FAT1: variants seen among roughly 807,000 people sequenced by gnomAD.
FAT1 encodes the protein FAT atypical cadherin 1.
Under a neutral mutation model 329.8 loss-of-function variants are expected in FAT1, and 171 were observed. The ratio of observed to expected loss-of-function variants is 0.52; its 90% CI spans 0.46 to 0.59. The LOEUF is 0.59. Among genes scored for constraint, FAT1 ranks in the 20% least tolerant of loss-of-function variants. The pLI is 0.00. For synonymous variants in FAT1, 2,233 were observed against 2,228.6 expected, an observed-to-expected ratio of 1.00 and a Z score of -0.06; for missense variants, 5,672 against 5,774.4, an observed-to-expected ratio of 0.98 and a Z score of 0.57.
chr4:186,633,266 A>G (rs1224837672), intron 7 of FAT1, among the ~76,000 whole-genome samples: 1 of 152,224 alleles, frequency 6.6e-6, no homozygotes, highest in African/African-American at 2.4e-5. Context: ...CAATTTTATT[A>G]GTTATTTTAT....
rs372589621 is a variant in FAT1, at chr4:186,628,544, A to G, written c.4543T>C (p.Tyr1515His). 7.4e-6 allele frequency: 12 copies of G among 1,613,886 alleles called. No individual in the cohort carries two copies. In the African/African-American group the frequency reaches 1.3e-4, roughly 18 times the overall value. Residue 1515 changes from tyrosine to histidine, a missense_variant, in exon 8 of 27, where the codon TAT (tyrosine) becomes CAT (histidine). Physicochemically the swap from Tyr to His is moderately conservative, Grantham distance 83. Transcript: ENST00000441802. ...FRLDPATGSL[Y>H]TSEKLDHEAV... ...TCATGATCCAGTTTCTCAGAAGTAT[A>G]GAGAGAGCCGGTTGCAGGATCAAGA... is the stretch of plus-strand genomic sequence containing the variant.
intron 7 of FAT1, 92 bp from the exon 8 acceptor site, chr4:186,628,855 A>G: frequency 7.9e-7 from 1 of 1,261,612 alleles, no homozygotes; most frequent in Non-Finnish European, 1.1e-6. Flanking sequence ...TGTATATTGA[A>G]ACGATACTGT....
At chr4:186,681,405 C>T (rs574785190) in intron 2 of FAT1, among the ~76,000 whole-genome samples, 1 of 152,252 alleles carries the variant, frequency 6.6e-6, no homozygotes, top group African/African-American at 2.4e-5. Context: ...AGAGGTATGA[C>T]ACCTTAATCC....
chr4:186,615,312 A>G (rs1342892178), intron 11 of FAT1, among the ~76,000 whole-genome samples: 6 of 152,140 alleles, frequency 3.9e-5, no homozygotes, highest in Admixed American at 2.6e-4. Context: ...CCTTCCCCTC[A>G]TGACTGAATA....
intron 9 of FAT1, among the ~76,000 whole-genome samples, chr4:186,627,011 AAT>A (rs1740340420): frequency 4.5e-5 from 1 of 22,094 alleles, no homozygotes; most frequent in African/African-American, 4.6e-4. Flanking sequence ...CAGCCCACAG[AAT>A]GAATGAATGA....
intron 1 of FAT1, among the ~76,000 whole-genome samples, chr4:186,715,118 T>C (rs1745149579): frequency 6.6e-6 from 1 of 150,990 alleles, no homozygotes; most frequent in Admixed American, 6.6e-5. Context: ...GCCACGCTGC[T>C]TCCCCCTCCA....
intron 2 of FAT1, among the ~76,000 whole-genome samples, chr4:186,668,481 C>T (rs1490161739): frequency 1.3e-5 from 2 of 152,216 alleles, no homozygotes; most frequent in African/African-American, 4.8e-5. Flanking sequence ...TTGTCCAACT[C>T]CAAGAAGCTA....
chr4:186,624,259 T>A (rs1740187599), intron 9 of FAT1, among the ~76,000 whole-genome samples: 3 of 99,476 alleles, frequency 3.0e-5, no homozygotes, highest in Non-Finnish European at 1.9e-5. Context: ...AGGGCAATTA[T>A]CTAGACAAAC....
At chr4:186,694,979 A>G (rs1743958672) in intron 2 of FAT1, among the ~76,000 whole-genome samples, 2 of 152,166 alleles carry the variant, frequency 1.3e-5, no homozygotes, top group African/African-American at 4.8e-5. Flanking sequence ...AAACAAAACA[A>G]AACAAAAATA....
rs374806294 is a variant in FAT1, at chr4:186,708,760, A to C, written c.1068T>G (p.Thr356=). 61 of 1,613,890 alleles carry C rather than the reference A, an allele frequency of 3.8e-5. No individual in the cohort carries two copies. Among genetic ancestry groups the C allele is most frequent in the Non-Finnish European group, 5.0e-5 (59 of 1,179,896 alleles). ...CTGGCCCGGCTTTGAACTGTGGAGAAGTCACGTGAATGACTTTAACAGAAG... is the reference window on the plus strand; with the variant it reads ...CTGGCCCGGCTTTGAACTGTGGAGACGTCACGTGAATGACTTTAACAGAAG... ...QFSSVKVIHV[T]SPQFKAGPVK... The change falls in exon 2 of 27, where the codon ACT becomes ACG. Residue 356 remains threonine (T), a synonymous_variant. Transcript: ENST00000441802.
intron 2 of FAT1, among the ~76,000 whole-genome samples, chr4:186,702,380 C>T (rs564747394): frequency 1.3e-5 from 2 of 152,252 alleles, no homozygotes; most frequent in South Asian, 2.1e-4. Context: ...ATGAAAAACA[C>T]GGGCTCCCCA....
rs2126410108 is a variant in FAT1 at position 186,599,977 on chromosome 4, G to T, written c.12024C>A (p.Gly4008=). The T allele has an allele frequency of 6.2e-7, 1 of 1,614,006 alleles. No individual in the cohort carries two copies. The highest frequency in any genetic ancestry group is 8.5e-7 in the Non-Finnish European group (1 of 1,179,898). ...HIEESVDVSP[G]CFLTATEDCA... ...AGTCTTCCGTGGCCGTCAGGAAGCAGCCTGGAGATACATCCACCGACTCTT... is the reference window on the plus strand; with the variant it reads ...AGTCTTCCGTGGCCGTCAGGAAGCATCCTGGAGATACATCCACCGACTCTT... The change falls in exon 22 of 27, where the codon GGC becomes GGA. Residue 4008 remains glycine (G), a synonymous_variant. Transcript: ENST00000441802.
chr4:186,603,032 C>T lies in FAT1; in HGVS notation c.11353G>A (p.Gly3785Arg). ...HRAAVCLCKE[G>R]RCPPVHHGCE... Reference sequence around the variant, plus strand: ...CCATGGTGGACAGGTGGGCACCTTCCCTCTTCATTCAAAGAGGGGAGAAAG... The same window carrying T: ...CCATGGTGGACAGGTGGGCACCTTCTCTCTTCATTCAAAGAGGGGAGAAAG... The change falls in exon 20 of 27, where the codon GGA becomes AGA. Residue 3785 changes from glycine to arginine, a missense_variant and splice_region_variant. Physicochemically the swap from Gly to Arg is moderately radical, Grantham distance 125. This residue lies in a region of FAT1 where 1,706 missense variants were observed against 1,859.1 expected (regional missense o/e 0.92). Coordinates refer to ENST00000441802, the MANE Select transcript of FAT1 (RefSeq NM_005245.4). The T allele has an allele frequency of 6.2e-7, 1 of 1,613,866 alleles. No individual in the cohort carries two copies.
At chr4:186,657,899 C>T (rs1339673557) in intron 3 of FAT1, among the ~76,000 whole-genome samples, 3 of 152,156 alleles carry the variant, frequency 2.0e-5, no homozygotes, top group Admixed American at 6.5e-5. Context: ...CGAGGTTGTT[C>T]GTGAATAATG....
chr4:186,616,667 C>T (rs937647904), intron 11 of FAT1, among the ~76,000 whole-genome samples: 7 of 152,192 alleles, frequency 4.6e-5, no homozygotes, highest in African/African-American at 9.6e-5. Context: ...CACGGCACGT[C>T]GGCACTTTGT....
At chr4:186,590,735 A>T in intron 26 of FAT1, 1 of 451,678 alleles carries the variant, frequency 2.2e-6, no homozygotes, top group Non-Finnish European at 4.4e-6. Flanking sequence ...TGAAAACAAA[A>T]CAAACAGGCT....
Position 186,708,633 on chromosome 4 carries a change from T to G in FAT1, c.1195A>C (p.Arg399=), listed in dbSNP as rs376638575. ...CCAGGTGTACTTTTAAAAACATACC[T>G]CAAATGGGAATAAGCAGGAATGGCC... ...VKAIPAYSHL[R]YVFKSTPGKA... is the part of the protein sequence containing the mutation. Residue 399 remains arginine (R), a synonymous_variant, in exon 2 of 27, where the codon AGG becomes CGG. Coordinates refer to ENST00000441802, the MANE Select transcript of FAT1 (RefSeq NM_005245.4). 50 of 1,613,894 alleles carry G rather than the reference T, an allele frequency of 3.1e-5. No homozygotes were observed. The African/African-American group carries it at 5.1e-4, about 16-fold the overall frequency.
intron 3 of FAT1, among the ~76,000 whole-genome samples, chr4:186,649,562 C>T (rs945448627): frequency 6.6e-6 from 1 of 151,926 alleles, no homozygotes; most frequent in African/African-American, 2.4e-5. Context: ...AGTCAGAGAC[C>T]CAGGGAAGAA....
intron 3 of FAT1, among the ~76,000 whole-genome samples, chr4:186,652,038 A>G (rs1741688894): frequency 1.3e-5 from 2 of 152,176 alleles, no homozygotes; most frequent in African/African-American, 4.8e-5. Flanking sequence ...TCCAAAGAAA[A>G]CACTAATAAA....
Sources: gnomAD v4.1 joint callset for allele counts (sites outside exome capture counted in the v4.1 genomes callset) on GRCh38, gnomAD v4.1.1 for gene constraint, gnomAD v4.1.1 regional missense constraint, MANE v1.5 for transcripts, NCBI Gene and HGNC (gene_info 2026-07-23, HGNC 2026-07-21) for gene names.